The following PHF24 variants were observed in gnomAD, a reference collection of about 807,000 sequenced individuals.
PHF24 encodes Galpha inhibitory interacting protein.
A neutral mutation model predicts 42.6 loss-of-function variants in PHF24; 25 were observed. The observed-to-expected ratio is 0.59, with a 90% CI of 0.43 to 0.82. The LOEUF (loss-of-function observed/expected upper bound fraction) is 0.82. PHF24 is among the 40% of genes least tolerant of loss of function. The pLI is 0.00. For missense variants in PHF24, 470 were observed against 538.1 expected (o/e 0.87, Z 1.25); for synonymous variants, 185 against 204.8 (o/e 0.90, Z 0.83).
the PHF24 span, among the ~76,000 whole-genome samples, chr9:34,937,794 C>T: frequency 6.6e-6 from 1 of 152,192 alleles, no homozygotes; most frequent in Non-Finnish European, 1.5e-5. Flanking sequence ...TGGAAAGGAT[C>T]ATGAAGATTC....
chr9:34,708,456 T>C, the PHF24 span, among the ~76,000 whole-genome samples: 2 of 152,142 alleles, frequency 1.3e-5, no homozygotes, highest in African/African-American at 2.4e-5. Context: ...CTTCACTGAA[T>C]AGGGCTGAAG....
At chr9:34,744,228 G>GGGT in the PHF24 span, among the ~76,000 whole-genome samples, 6 of 152,296 alleles carry the variant, frequency 3.9e-5, no homozygotes, top group East Asian at 1.2e-3. Flanking sequence ...GATGGACCAT[G>GGGT]GGTGGTGGTC....
At chr9:34,848,223 C>G in the PHF24 span, among the ~76,000 whole-genome samples, 1 of 151,466 alleles carries the variant, frequency 6.6e-6, no homozygotes, top group African/African-American at 2.4e-5. Context: ...GTGAATCCAT[C>G]TGGTCCTGGA....
the PHF24 span, among the ~76,000 whole-genome samples, chr9:34,912,700 A>T: frequency 6.6e-6 from 1 of 152,098 alleles, no homozygotes; most frequent in African/African-American, 2.4e-5. Context: ...TTCCATCCAA[A>T]CCTAACAGGG....
the PHF24 span, among the ~76,000 whole-genome samples, chr9:34,872,953 GC>G: frequency 6.6e-6 from 1 of 150,936 alleles, no homozygotes; most frequent in African/African-American, 2.4e-5. Flanking sequence ...TTCTCTGATG[GC>G]CAGTGATGAG....
chr9:34,761,372 C>G, the PHF24 span, among the ~76,000 whole-genome samples: 1 of 151,988 alleles, frequency 6.6e-6, no homozygotes, highest in African/African-American at 2.4e-5. Flanking sequence ...TTGAGCCCTT[C>G]TGTATGCCAG....
chr9:34,682,150 A>ATTTTT, the PHF24 span, among the ~76,000 whole-genome samples: 79 of 93,092 alleles, frequency 8.5e-4, no homozygotes, highest in African/African-American at 2.6e-3. Flanking sequence ...AATTATTTCT[A>ATTTTT]TTTTTTTTTT....
chr9:34,721,257 T>C, the PHF24 span, among the ~76,000 whole-genome samples: 1 of 152,244 alleles, frequency 6.6e-6, no homozygotes, highest in Admixed American at 6.5e-5. Context: ...ATGTTTTCCA[T>C]TAACATCCAC....
the PHF24 span, chr9:34,917,143 C>G: frequency 2.0e-6 from 2 of 1,024,892 alleles, no homozygotes; most frequent in East Asian, 2.4e-5. Flanking sequence ...CTTTACCGGC[C>G]CGTCTGCTCG....
chr9:34,673,890 G>A, the PHF24 span, among the ~76,000 whole-genome samples: 1 of 152,028 alleles, frequency 6.6e-6, no homozygotes, highest in African/African-American at 2.4e-5. Context: ...CAGAGTGCTG[G>A]GATTACAGGT....
At chr9:34,696,513 G>C in the PHF24 span, among the ~76,000 whole-genome samples, 1 of 147,428 alleles carries the variant, frequency 6.8e-6, no homozygotes, top group Non-Finnish European at 1.5e-5. Flanking sequence ...AAAAAGTTTA[G>C]ACCAGGAACT....
chr9:34,938,945 A>AG, the PHF24 span, among the ~76,000 whole-genome samples: 2 of 150,494 alleles, frequency 1.3e-5, no homozygotes, highest in Non-Finnish European at 3.0e-5. Flanking sequence ...AAAAAAAAAA[A>AG]AAAAAAAAAG....
the PHF24 span, among the ~76,000 whole-genome samples, chr9:34,755,437 G>A: frequency 1.3e-5 from 2 of 152,008 alleles, no homozygotes; most frequent in African/African-American, 2.4e-5. Context: ...TAACTGGGAT[G>A]AGATGATACC....
At chr9:34,739,355 T>C in the PHF24 span, among the ~76,000 whole-genome samples, 1 of 152,216 alleles carries the variant, frequency 6.6e-6, no homozygotes, top group Admixed American at 6.5e-5. Flanking sequence ...GGGGTACTTA[T>C]AGAAATGTGA....
chr9:34,769,746 C>G, the PHF24 span, among the ~76,000 whole-genome samples: 1 of 151,950 alleles, frequency 6.6e-6, no homozygotes, highest in African/African-American at 2.4e-5. Context: ...ACAAAATATC[C>G]AGGAATAGAG....
chr9:34,821,417 T>G, the PHF24 span, among the ~76,000 whole-genome samples: 4 of 152,326 alleles, frequency 2.6e-5, no homozygotes, highest in Admixed American at 6.5e-5. Flanking sequence ...GAACTGAATT[T>G]CTCAGGGTTC....
At chr9:34,720,728 A>G in the PHF24 span, among the ~76,000 whole-genome samples, 1 of 151,872 alleles carries the variant, frequency 6.6e-6, no homozygotes, top group Non-Finnish European at 1.5e-5. Context: ...CTGTTTCTCC[A>G]TCTCCAGCCT....
chr9:34,740,501 G>GGGCCGGCAGGGCC, the PHF24 span, among the ~76,000 whole-genome samples: 1 of 152,226 alleles, frequency 6.6e-6, no homozygotes, highest in Non-Finnish European at 1.5e-5. Context: ...TCATTGCCCG[G>GGGCCGGCAGGGCC]GGCCGGCAGG....
chr9:34,953,675 C>T (rs566140797), upstream of PHF24, among the ~76,000 whole-genome samples: 12 of 152,046 alleles, frequency 7.9e-5, no homozygotes, highest in East Asian at 1.9e-4. The surrounding 1 kb of genome is among the most constrained non-coding windows in gnomAD (Gnocchi z 4.1). Context: ...CTAGGTGTGG[C>T]GGTTCACACC....
Sources: allele counts gnomAD v4.1 joint callset (sites outside exome capture counted in the v4.1 genomes callset), GRCh38; gene constraint gnomAD v4.1.1; non-coding constraint Gnocchi (gnomAD v3.1); transcripts MANE v1.5; gene names NCBI Gene and HGNC (gene_info 2026-07-23, HGNC 2026-07-21).